Variants in EPB41L3 observed in about 807,000 individuals in gnomAD.
EPB41L3 encodes erythrocyte membrane protein band 4.1 like 3.
A neutral mutation model predicts 127.1 loss-of-function variants in EPB41L3; 57 were observed. The observed-to-expected ratio is 0.45, with a 90% CI of 0.36 to 0.56. EPB41L3 has a LOEUF of 0.56. EPB41L3 is among the 20% of genes least tolerant of loss of function. The pLI, the probability that EPB41L3 is intolerant of heterozygous loss-of-function variation, is 0.00. For missense variants in EPB41L3, 1,273 were observed against 1,372.2 expected (o/e 0.93, Z 1.14); for synonymous variants, 572 against 549.5 (o/e 1.04, Z -0.57).
At chr18:5,526,374 A>G (rs914365083) in intron 1 of EPB41L3, among the ~76,000 whole-genome samples, 4 of 152,216 alleles carry the variant, frequency 2.6e-5, no homozygotes, top group Non-Finnish European at 5.9e-5. Context: ...ATCTAAGTTG[A>G]CATCTTCTTT....
intron 3 of EPB41L3, among the ~76,000 whole-genome samples, chr18:5,590,377 A>C (rs1677116290): frequency 1.3e-5 from 2 of 152,176 alleles, no homozygotes; most frequent in Non-Finnish European, 2.9e-5. Flanking sequence ...AGAATGGCTT[A>C]AGAAAAAGTA....
intron 12 of EPB41L3, among the ~76,000 whole-genome samples, 177 bp from the exon 13 acceptor site, chr18:5,416,555 C>A (rs2076852183): frequency 6.6e-6 from 1 of 152,174 alleles, no homozygotes; most frequent in Admixed American, 6.5e-5. Flanking sequence ...GCCACTGTTG[C>A]CACGAACGGC....
At chr18:5,395,848 T>G (rs1598406842) in intron 19 of EPB41L3, 141 bp from the exon 20 acceptor site, 1 of 699,524 alleles carries the variant, frequency 1.4e-6, no homozygotes, top group Non-Finnish European at 2.5e-6. Flanking sequence ...TGAGCGCTGC[T>G]CCCAAGAATA....
chr18:5,583,472 T>C (rs573489003), intron 3 of EPB41L3, among the ~76,000 whole-genome samples: 6 of 152,296 alleles, frequency 3.9e-5, no homozygotes, highest in Non-Finnish European at 8.8e-5. Context: ...ATCAACAGGC[T>C]TTGATTGTTT....
rs1254527681 is a variant in EPB41L3, at chr18:5,419,830, T to G, written c.1387A>C (p.Asn463His). ...TCCGGAGTCACAGTGGTGATCAAGT[T>G]GGTCTGAGAGATGCCTTTTGTTGTG... ...YATTKGISQT[N>H]LITTVTPEKK... The change falls in exon 12 of 23, where the codon AAC becomes CAC. Residue 463 changes from asparagine (N) to histidine (H), a missense_variant. By Grantham distance (68) the Asn-to-His change is moderately conservative (BLOSUM62 1). Coordinates refer to ENST00000341928, the MANE Select transcript of EPB41L3 (RefSeq NM_012307.5). 1.2e-6 allele frequency: 2 copies of G among 1,614,104 alleles called. No homozygotes were observed. Among genetic ancestry groups the G allele is most frequent in the Non-Finnish European group, 1.7e-6 (2 of 1,180,056 alleles).
intron 3 of EPB41L3, among the ~76,000 whole-genome samples, chr18:5,562,029 C>G (rs1681905080): frequency 6.6e-6 from 1 of 152,068 alleles, no homozygotes; most frequent in Non-Finnish European, 1.5e-5. Context: ...GGATGGGAGA[C>G]CAAGGAGATC....
At chr18:5,411,490 T>C (rs1049663519) in intron 13 of EPB41L3, among the ~76,000 whole-genome samples, 9 of 152,208 alleles carry the variant, frequency 5.9e-5, no homozygotes, top group African/African-American at 1.9e-4. Context: ...AGAACAGTAA[T>C]TTCAGGACTG....
intron 5 of EPB41L3, 86 bp from the exon 6 acceptor site, chr18:5,438,196 A>G (rs2080153294): frequency 2.6e-5 from 32 of 1,233,254 alleles, no homozygotes; most frequent in Non-Finnish European, 3.5e-5. Context: ...AACTCCAAGC[A>G]TTAACACCCA....
intron 1 of EPB41L3, among the ~76,000 whole-genome samples, chr18:5,537,573 A>G (rs1028220956): frequency 6.6e-6 from 1 of 152,130 alleles, no homozygotes; most frequent in African/African-American, 2.4e-5. Context: ...ACCACTTTCA[A>G]TAACTCCCCA....
At chr18:5,484,278 A>C (rs1158075380) in intron 2 of EPB41L3, among the ~76,000 whole-genome samples, 1 of 151,594 alleles carries the variant, frequency 6.6e-6, no homozygotes, top group Non-Finnish European at 1.5e-5. Flanking sequence ...AAGTTAAAAA[A>C]AAAATTATCA....
intron 1 of EPB41L3, among the ~76,000 whole-genome samples, chr18:5,622,936 T>C (rs1599382606): frequency 1.3e-5 from 2 of 148,252 alleles, no homozygotes; most frequent in African/African-American, 4.9e-5. Context: ...GAGAGATTTG[T>C]ATGGCATAAT....
chr18:5,405,395 T>A (rs1371866497), intron 16 of EPB41L3, among the ~76,000 whole-genome samples: 1 of 152,178 alleles, frequency 6.6e-6, no homozygotes, highest in African/African-American at 2.4e-5. Flanking sequence ...CAAAAACTAC[T>A]TTTGTTGAAA....
upstream of EPB41L3, among the ~76,000 whole-genome samples, chr18:5,629,415 CCACACACACACACA>C (rs61034629): frequency 1.7e-4 from 24 of 143,840 alleles, no homozygotes; most frequent in East Asian, 4.3e-4. Context: ...TCCTTACACA[CCACACACACACACA>C]CACACACACA....
chr18:5,607,200 G>A (rs1403117029), intron 3 of EPB41L3, among the ~76,000 whole-genome samples: 1 of 152,198 alleles, frequency 6.6e-6, no homozygotes, highest in Non-Finnish European at 1.5e-5. Context: ...AGCGAGGCAT[G>A]GTCAGAGTTA....
chr18:5,450,047 G>A (rs756856313), intron 3 of EPB41L3, among the ~76,000 whole-genome samples: 5 of 152,228 alleles, frequency 3.3e-5, no homozygotes, highest in South Asian at 2.1e-4. Context: ...AAGTGAAACC[G>A]TGGAAAACAG....
At chr18:5,407,207 G>A in intron 15 of EPB41L3, 3 of 535,252 alleles carry the variant, frequency 5.6e-6, no homozygotes, top group East Asian at 6.3e-5. Flanking sequence ...ATTTTAGAAG[G>A]CAAACTATAA....
chr18:5,409,411 T>C (rs2075910302), intron 14 of EPB41L3, among the ~76,000 whole-genome samples: 2 of 152,178 alleles, frequency 1.3e-5, no homozygotes, highest in Non-Finnish European at 2.9e-5. Context: ...TCTTATAAAA[T>C]CAAGGTGTAG....
intron 3 of EPB41L3, among the ~76,000 whole-genome samples, chr18:5,461,827 A>G (rs1187516763): frequency 2.0e-5 from 3 of 152,192 alleles, no homozygotes; most frequent in African/African-American, 7.2e-5. Flanking sequence ...AAAAACTCCC[A>G]CAACTGGAAG....
chr18:5,552,108 T>G (rs562012345), intron 3 of EPB41L3, among the ~76,000 whole-genome samples: 1 of 152,252 alleles, frequency 6.6e-6, no homozygotes, highest in Non-Finnish European at 1.5e-5. Context: ...GAAGTCCTTG[T>G]AGAAGCCACT....
Sources: allele counts gnomAD v4.1 joint callset (sites outside exome capture counted in the v4.1 genomes callset), GRCh38; gene constraint gnomAD v4.1.1; transcripts MANE v1.5; gene names NCBI Gene and HGNC (gene_info 2026-07-23, HGNC 2026-07-21).